Variants in TPRG1L observed in about 807,000 individuals in gnomAD.
TPRG1L encodes tumor protein p63 regulated 1 like, also known as tumor protein p63-regulated gene 1-like protein.
A neutral mutation model predicts 29.4 loss-of-function variants in TPRG1L; 25 were observed. The ratio of observed to expected loss-of-function variants is 0.85; its 90% confidence interval spans 0.62 to 1.19. TPRG1L has a LOEUF of 1.19. Ranked by LOEUF, TPRG1L falls within the 50% of genes most tolerant of loss-of-function variation. TPRG1L has a pLI of 0.00. For missense variants in TPRG1L, 354 were observed against 364.4 expected (o/e 0.97, Z 0.23); for synonymous variants, 182 against 151.1 (o/e 1.20, Z -1.50).
chr1:3,626,157 G>A (rs1644487329), intron 3 of TPRG1L, among the ~76,000 whole-genome samples: 1 of 152,242 alleles, frequency 6.6e-6, no homozygotes, highest in South Asian at 2.1e-4. Flanking sequence ...CATTGAAGTA[G>A]AGCCCAGCGT....
chr1:3,625,930 C>T (rs1644485142), intron 3 of TPRG1L, 41 bp downstream of exon 3: 1 of 1,557,244 alleles, frequency 6.4e-7, no homozygotes. Context: ...ACCTAAGCAC[C>T]AGAGTGGACC....
At chr1:3,625,926 GCAC>G in intron 3 of TPRG1L, 37 bp downstream of exon 3, 1 of 1,576,960 alleles carries the variant, frequency 6.3e-7, no homozygotes, top group Non-Finnish European at 8.6e-7. Context: ...CTGGACCTAA[GCAC>G]CAGAGTGGAC....
At position 3,629,988 on chromosome 1, in the gene TPRG1L, A is replaced by G. The variant is rs189679172; in HGVS notation, c.*1385A>G. 3 of 152,354 alleles carry G rather than the reference A, an allele frequency of 2.0e-5. No individual in the cohort carries two copies. Among genetic ancestry groups the G allele is most frequent in the African/African-American group, 7.2e-5 (3 of 41,566 alleles). 9.4% of individuals were successfully genotyped at this position (152,354 alleles called of 1,614,324 possible). A position where few individuals can be genotyped will look rare whatever the true frequency, so the allele number is the denominator to read the frequency against. Reference sequence around the variant, plus strand: ...TAAGCAAACGGTGTGGCATGGGTTGAGTGTGGCCACCTGCAGGATGTGCAG... The same window carrying G: ...TAAGCAAACGGTGTGGCATGGGTTGGGTGTGGCCACCTGCAGGATGTGCAG... On this transcript the variant is annotated 3_prime_UTR_variant, in exon 5 of 5. Transcript: ENST00000378344.
chr1:3,626,055 G>C (rs1408892369), intron 3 of TPRG1L, among the ~76,000 whole-genome samples, 166 bp downstream of exon 3: 1 of 152,220 alleles, frequency 6.6e-6, no homozygotes, highest in South Asian at 2.1e-4. Context: ...AAAAAGAAGC[G>C]ACTTCTGGGC....
intron 3 of TPRG1L, among the ~76,000 whole-genome samples, 187 bp downstream of exon 3, chr1:3,626,076 AT>A (rs1644486695): frequency 6.6e-6 from 1 of 152,382 alleles, no homozygotes; most frequent in South Asian, 2.1e-4. Flanking sequence ...AATTGAGTGC[AT>A]TAAAAGGAAT....
At chr1:3,626,405 A>G (rs16823920) in intron 3 of TPRG1L, among the ~76,000 whole-genome samples, 11,311 of 152,194 alleles carry the variant, frequency 0.074, 1,405 homozygotes, top group African/African-American at 0.25. Context: ...GAGGAACCTA[A>G]ACATTACTAC....
Position 3,625,484 on chromosome 1 carries a change from G to A in TPRG1L, c.262G>A (p.Gly88Ser). ...IRVVVRPVED[G>S]EIQGVWLLTE... ...CGTGGTGGTGCGGCCCGTGGAGGACGGCGAGATCCAGGGAGTGTGGCTGCT... is the reference window on the plus strand; with the variant it reads ...CGTGGTGGTGCGGCCCGTGGAGGACAGCGAGATCCAGGGAGTGTGGCTGCT... The change falls in exon 2 of 5, where the codon GGC (glycine) becomes AGC (serine). Residue 88 changes from glycine (G) to serine (S), a missense_variant. Coordinates refer to ENST00000378344, the MANE Select transcript of TPRG1L (RefSeq NM_182752.4). 6.2e-7 allele frequency: 1 copy of A among 1,607,516 alleles called. No homozygotes were observed. Among genetic ancestry groups the A allele is most frequent in the African/African-American group, 1.3e-5 (1 of 75,036 alleles).
chr1:3,625,645 C>T (rs991686438), intron 2 of TPRG1L, 68 bp from the exon 3 acceptor site: 5 of 1,573,024 alleles, frequency 3.2e-6, no homozygotes, highest in Admixed American at 1.8e-5. Context: ...CCCTTCCAGG[C>T]GGGCTGGCCT....
intron 3 of TPRG1L, among the ~76,000 whole-genome samples, chr1:3,627,173 G>A (rs1644495601): frequency 6.6e-6 from 1 of 152,108 alleles, no homozygotes; most frequent in Admixed American, 6.5e-5. Flanking sequence ...AGCTGGGTGT[G>A]GTGGTGCATG....
rs779609358 is a variant in TPRG1L, at chr1:3,628,300, T to C, written c.625-109T>C. The stretch of plus-strand genomic sequence containing the variant: ...CCTTTCAAGTGAAGGGACGAAGAGA[T>C]AGGCGGCATTTGGAGGGATTTAAGT... On this transcript the variant is annotated intron_variant, in intron 4 of 4. Coordinates refer to ENST00000378344, the MANE Select transcript of TPRG1L (RefSeq NM_182752.4). 16 of 949,246 alleles carry C rather than the reference T, an allele frequency of 1.7e-5. No homozygotes were observed. In the Admixed American group the frequency reaches 2.3e-4, roughly 14 times the overall value. The allele number at this position is 949,246 out of a possible 1,614,324, so 58.8% of individuals were successfully genotyped here. A position where few individuals can be genotyped will look rare whatever the true frequency, so the allele number is the denominator to read the frequency against.
intron 4 of TPRG1L, 127 bp from the exon 5 acceptor site, chr1:3,628,282 A>AT: frequency 1.3e-6 from 1 of 793,572 alleles, no homozygotes; most frequent in Non-Finnish European, 2.0e-6. Context: ...AGCCCTTTCA[A>AT]GTGAAGGGAC....
In TPRG1L at chr1:3,628,444, C is replaced by CA. The variant is rs779918039; in HGVS notation, c.666dup (p.Ala223SerfsTer34). 3 of 1,612,630 alleles carry CA rather than the reference C, an allele frequency of 1.9e-6. No individual in the cohort carries two copies. Among genetic ancestry groups the CA allele is most frequent in the Non-Finnish European group, 2.5e-6 (3 of 1,179,076 alleles). ...TCAAGGCTCTGTTAATCCAAGCTGT[C>CA]AAAAAAGCCCAAAAAGAAAGCCCTT... is the stretch of plus-strand genomic sequence containing the variant. On this transcript the variant is annotated frameshift_variant, in exon 5 of 5. Transcript: ENST00000378344. LOFTEE classifies it high-confidence loss of function.
chr1:3,625,471 G>T lies in TPRG1L; in HGVS notation c.249G>T (p.Arg83=). The part of the protein sequence containing the change: ...QAVEEIRVVV[R]PVEDGEIQGV... Reference sequence around the variant, plus strand: ...TGGAGGAGATCCGCGTGGTGGTGCGGCCCGTGGAGGACGGCGAGATCCAGG... The same window carrying T: ...TGGAGGAGATCCGCGTGGTGGTGCGTCCCGTGGAGGACGGCGAGATCCAGG... The change falls in exon 2 of 5, where the codon CGG becomes CGT. Residue 83 remains arginine (R), a synonymous_variant. Coordinates refer to ENST00000378344, the MANE Select transcript of TPRG1L (RefSeq NM_182752.4). 5.0e-6 allele frequency: 8 copies of T among 1,607,446 alleles called. No individual in the cohort carries two copies. The highest frequency in any genetic ancestry group is 6.8e-6 in the Non-Finnish European group (8 of 1,177,984).
At chr1:3,628,087 T>C (rs1644501852) in intron 4 of TPRG1L, among the ~76,000 whole-genome samples, 1 of 152,232 alleles carries the variant, frequency 6.6e-6, no homozygotes, top group Admixed American at 6.5e-5. Context: ...CCCAGCTGTG[T>C]GCCTCGGCCT....
intron 4 of TPRG1L, among the ~76,000 whole-genome samples, chr1:3,628,066 T>C (rs1026603095): frequency 2.0e-5 from 3 of 151,988 alleles, no homozygotes; most frequent in Non-Finnish European, 4.4e-5. Flanking sequence ...CTGGCGGGGG[T>C]CCTGCACTTC....
rs565865210 is a variant in TPRG1L, at chr1:3,625,749, G to A, written c.330G>A (p.Val110=). The A allele has an allele frequency of 2.0e-4, 329 of 1,613,186 alleles. 2 individuals are homozygous for A. The highest frequency in any genetic ancestry group is 9.0e-4 in the South Asian group (82 of 91,080). The change falls in exon 3 of 5, where the codon GTG becomes GTA. Residue 110 remains valine, a synonymous_variant. Transcript: ENST00000378344. ...GGAACAATGAGAAGGAGCGGCTGGT[G>A]CTGGTCACGGAGCAGTCCCTGCTTA... The part of the protein sequence containing the change: ...DHWNNEKERL[V]LVTEQSLLIC...
At chr1:3,626,419 CAGTT>C (rs534446853) in intron 3 of TPRG1L, among the ~76,000 whole-genome samples, 8 of 152,222 alleles carry the variant, frequency 5.3e-5, no homozygotes, top group African/African-American at 1.9e-4. Context: ...TTACTACAGT[CAGTT>C]AAGCTGTAGA....
rs55905548 is a variant in TPRG1L, at chr1:3,629,700, CCGGG to C, written c.*1100_*1103del. 0.38 allele frequency: 57,440 copies of C among 151,870 alleles called. 12,369 individuals are homozygous for C. The highest frequency in any genetic ancestry group is 0.48 in the Non-Finnish European group (32,891 of 67,876). 9.4% of individuals were successfully genotyped at this position (151,870 alleles called of 1,614,324 possible). ...ATGGCACCACTTATTGCACTCCAGC[CCGGG>C]CGACAGAGCGAGACTCCATCTACCA... On this transcript the variant is annotated 3_prime_UTR_variant, in exon 5 of 5. Transcript: ENST00000378344.
chr1:3,627,733 C>T (rs1644500093), intron 4 of TPRG1L, 80 bp downstream of exon 4: 25 of 1,575,354 alleles, frequency 1.6e-5, no homozygotes, highest in Non-Finnish European at 2.0e-5. Context: ...CACTTCAGGT[C>T]TGCACTGTCC....
Sources: gnomAD v4.1 joint callset for allele counts (sites outside exome capture counted in the v4.1 genomes callset) on GRCh38, gnomAD v4.1.1 for gene constraint, MANE v1.5 for transcripts, NCBI Gene and HGNC (gene_info 2026-07-23, HGNC 2026-07-21) for gene names.